STAMBPL1: variants seen among roughly 807,000 people sequenced by gnomAD.
STAMBPL1 encodes AMSH-like protease.
In STAMBPL1, 44 loss-of-function variants were observed where a neutral mutation model predicts 52.9. The ratio of observed to expected loss-of-function variants is 0.83; its 90% CI spans 0.65 to 1.07. The LOEUF (loss-of-function observed/expected upper bound fraction) is 1.07, where lower values mean the gene tolerates loss of function less well. Among genes scored for constraint, STAMBPL1 ranks in the 50% least tolerant of loss-of-function variants. The pLI is 0.00. For missense variants in STAMBPL1, 511 were observed against 520.8 expected, an observed-to-expected ratio of 0.98 and a Z score of 0.18; for synonymous variants, 164 against 177.3, an observed-to-expected ratio of 0.92 and a Z score of 0.60.
At chr10:88,906,492 TTTTA>T (rs1315611799) in intron 3 of STAMBPL1, among the ~76,000 whole-genome samples, 4 of 152,258 alleles carry the variant, frequency 2.6e-5, no homozygotes, top group African/African-American at 7.2e-5. Flanking sequence ...TATTTATTAA[TTTTA>T]TTTAAGTTGA....
rs571096346 is a variant in STAMBPL1 at position 88,915,270 on chromosome 10, G to A, written c.903+612G>A. Among the ~76,000 whole-genome samples the A allele has an allele frequency of 8.3e-4, 127 of 152,296 alleles. 1 individual carries two copies. Among genetic ancestry groups the A allele is most frequent in the African/African-American group, 2.9e-3 (119 of 41,566 alleles). ...CAACAGAGATAATGTTTCTTTGGACGTGTCCTTTCATAGTCTGTTTTGAGT... is the reference window on the plus strand; with the variant it reads ...CAACAGAGATAATGTTTCTTTGGACATGTCCTTTCATAGTCTGTTTTGAGT... On this transcript the variant is annotated intron_variant, in intron 7 of 10. Transcript: ENST00000371926.
chr10:88,919,035 T>G (rs1344949850), intron 8 of STAMBPL1, among the ~76,000 whole-genome samples: 2 of 152,230 alleles, frequency 1.3e-5, no homozygotes, highest in African/African-American at 4.8e-5. Context: ...TAATGACTTT[T>G]TATGACGGTT....
At chr10:88,921,231 G>A in intron 8 of STAMBPL1, 52 bp from the exon 9 acceptor site, 10 of 1,399,032 alleles carry the variant, frequency 7.1e-6, no homozygotes, top group Non-Finnish European at 1.0e-5. Context: ...ATAGCCTATG[G>A]CCTTGGCTAA....
At chr10:88,922,206 C>G in intron 9 of STAMBPL1, 131 bp from the exon 10 acceptor site, 1 of 846,154 alleles carries the variant, frequency 1.2e-6, no homozygotes, top group Admixed American at 2.6e-5. Context: ...AAAAAAATCA[C>G]TATGGAATTC....
At chr10:88,915,731 A>G (rs12254084) in intron 7 of STAMBPL1, among the ~76,000 whole-genome samples, 28,817 of 152,198 alleles carry the variant, frequency 0.19, 2,972 homozygotes, top group African/African-American at 0.26. Context: ...AAGTGGGGCT[A>G]AGTGCTGTCT....
At position 88,901,736 on chromosome 10, in the gene STAMBPL1, C is replaced by G; in HGVS notation, c.28C>G (p.Leu10Val). ...GGATCAGCCTTTTACTGTGAATTCT[C>G]TGGTAGGTCACACCAGCTGATATCT... MDQPFTVNSLKKLAAMPDHT... is the reference protein window; with the variant it reads MDQPFTVNSVKKLAAMPDHT... Residue 10 changes from leucine to valine, a missense_variant and splice_region_variant, in exon 2 of 11, where the codon CTG becomes GTG. Around this residue, in one of 3 missense-constraint regions of STAMBPL1, gnomAD observed 358 missense variants for 343.5 expected, o/e 1.04. Transcript: ENST00000371926. 2.5e-6 allele frequency: 4 copies of G among 1,612,400 alleles called. No homozygotes were observed. The highest frequency in any genetic ancestry group is 3.4e-6 in the Non-Finnish European group (4 of 1,179,292).
At chr10:88,900,620 G>T (rs1844921621) in intron 1 of STAMBPL1, among the ~76,000 whole-genome samples, 1 of 152,112 alleles carries the variant, frequency 6.6e-6, no homozygotes, top group Non-Finnish European at 1.5e-5. Flanking sequence ...ACATGATGTA[G>T]GAACCACTGT....
chr10:88,916,606 C>A, intron 7 of STAMBPL1, 74 bp from the exon 8 acceptor site: 6 of 1,367,208 alleles, frequency 4.4e-6, no homozygotes, highest in Non-Finnish European at 4.8e-6. Flanking sequence ...TAGTCTTAAA[C>A]ATTTCATTTC....
At chr10:88,895,980 T>C (rs975313393) in intron 1 of STAMBPL1, among the ~76,000 whole-genome samples, 2 of 152,354 alleles carry the variant, frequency 1.3e-5, no homozygotes, top group Non-Finnish European at 1.5e-5. Context: ...TTCTTGCTCA[T>C]TGATCTAATA....
intron 3 of STAMBPL1, among the ~76,000 whole-genome samples, chr10:88,907,017 C>T (rs765563118): frequency 3.2e-4 from 49 of 151,994 alleles, no homozygotes; most frequent in Non-Finnish European, 5.9e-4. Flanking sequence ...CAACATCTCA[C>T]CCCCATCCTC....
intron 4 of STAMBPL1, among the ~76,000 whole-genome samples, chr10:88,910,037 G>A (rs546274183): frequency 2.6e-5 from 4 of 152,112 alleles, no homozygotes; most frequent in South Asian, 4.2e-4. Flanking sequence ...AGGCTGTCAC[G>A]GTGACTCATG....
chr10:88,888,735 A>G (rs1030837236), intron 1 of STAMBPL1, among the ~76,000 whole-genome samples: 1 of 152,232 alleles, frequency 6.6e-6, no homozygotes, highest in Non-Finnish European at 1.5e-5. Context: ...TCAGAGAGTT[A>G]AGTAATTTAC....
At chr10:88,902,821 G>A (rs975702928) in intron 2 of STAMBPL1, among the ~76,000 whole-genome samples, 1 of 152,108 alleles carries the variant, frequency 6.6e-6, no homozygotes, top group South Asian at 2.1e-4. Context: ...AGCCCACCTC[G>A]GCCTCCCAGA....
intron 1 of STAMBPL1, among the ~76,000 whole-genome samples, chr10:88,881,094 C>T (rs1844394060): frequency 6.6e-6 from 1 of 152,112 alleles, no homozygotes; most frequent in Non-Finnish European, 1.5e-5. Context: ...CGGACCTTTA[C>T]CCCGGCCGAG....
chr10:88,883,886 T>A (rs767167041), intron 1 of STAMBPL1, among the ~76,000 whole-genome samples: 10 of 152,196 alleles, frequency 6.6e-5, no homozygotes, highest in Non-Finnish European at 1.2e-4. Context: ...TTAAGGATGT[T>A]ATGACTCCTT....
chr10:88,908,421 A>G (rs1845131556), intron 3 of STAMBPL1, among the ~76,000 whole-genome samples: 1 of 152,180 alleles, frequency 6.6e-6, no homozygotes, highest in South Asian at 2.1e-4. Flanking sequence ...TTTGGGGCTA[A>G]GCATGCAGTA....
intron 5 of STAMBPL1, among the ~76,000 whole-genome samples, chr10:88,911,401 A>G (rs1845221719): frequency 1.3e-5 from 2 of 152,220 alleles, no homozygotes; most frequent in Non-Finnish European, 2.9e-5. Flanking sequence ...GGCCTTAGAA[A>G]TGTGAATTTG....
intron 3 of STAMBPL1, 69 bp from the exon 4 acceptor site, chr10:88,908,633 C>G (rs755971770): frequency 6.7e-5 from 86 of 1,277,332 alleles, no homozygotes; most frequent in Non-Finnish European, 9.0e-5. Flanking sequence ...GATCCTCATT[C>G]CCTTATTAGA....
At chr10:88,883,071 T>C (rs1051580872) in intron 1 of STAMBPL1, among the ~76,000 whole-genome samples, 2 of 141,422 alleles carry the variant, frequency 1.4e-5, no homozygotes, top group Non-Finnish European at 3.0e-5. Context: ...CAAGTGTTCT[T>C]ATTGTTCAAT....
Sources: allele counts gnomAD v4.1 joint callset (sites outside exome capture counted in the v4.1 genomes callset), GRCh38; gene constraint gnomAD v4.1.1; regional missense constraint gnomAD v4.1.1; transcripts MANE v1.5; gene names NCBI Gene and HGNC (gene_info 2026-07-23, HGNC 2026-07-21).